The following TOP3B variants were observed in gnomAD, a reference collection of about 807,000 sequenced individuals.
The protein encoded by TOP3B is DNA topoisomerase III beta.
Under a neutral mutation model 93.9 loss-of-function variants are expected in TOP3B, and 45 were observed. The ratio of observed to expected loss-of-function variants is 0.48; its 90% CI spans 0.38 to 0.61. TOP3B has a LOEUF of 0.61. Ranked by LOEUF, TOP3B falls within the 20% of genes least tolerant of loss-of-function variation. TOP3B has a pLI of 0.00. For synonymous variants in TOP3B, 357 were observed against 472.6 expected, an observed-to-expected ratio of 0.76 and a Z score of 3.17; for missense variants, 750 against 1,156.1, an observed-to-expected ratio of 0.65 and a Z score of 5.09.
chr22:21,970,982 G>C lies in TOP3B; in HGVS notation c.385-576C>G. The C allele has an allele frequency of 1.6e-6, 2 of 1,264,940 alleles. No homozygotes were observed. Among genetic ancestry groups the C allele is most frequent in the Middle Eastern group, 2.3e-4 (1 of 4,308 alleles). The allele number at this position is 1,264,940 out of a possible 1,614,324, so 78.4% of individuals were successfully genotyped here. ...GGGGTCCTGGAGCCGAGACTCACTA[G>C]GAAGGCCGTGCAGTGGGACTAGGGT... On this transcript the variant is annotated intron_variant, in intron 5 of 17. Coordinates refer to ENST00000357179, the MANE Select transcript of TOP3B (RefSeq NM_001282112.2). The surrounding 1 kb of genome is among the most constrained non-coding windows in gnomAD (Gnocchi z 4.4).
At chr22:21,975,595 T>TA (rs2071833415) in intron 2 of TOP3B, 45 bp downstream of exon 2, 1 of 1,537,582 alleles carries the variant, frequency 6.5e-7, no homozygotes, top group Admixed American at 1.8e-5. Flanking sequence ...CTGTAACACA[T>TA]AAACGACCGT....
rs149995926 is a variant in TOP3B, at chr22:21,957,326, C to T, written c.2377G>A (p.Asp793Asn). ...FNKAKSPLPG[D>N]ETQHMGCVFC... ...ACGCAGCCCATGTGCTGCGTCTCAT[C>T]GCCCGGGAGTGGGGACTTGGCCTTG... The change falls in exon 18 of 18, where the codon GAT becomes AAT. Residue 793 changes from aspartate (D) to asparagine (N), a missense_variant. This residue lies in a region of TOP3B where 13 missense variants were observed against 58.8 expected (regional missense o/e 0.22). Coordinates refer to ENST00000357179, the MANE Select transcript of TOP3B (RefSeq NM_001282112.2). 4.5e-5 allele frequency: 73 copies of T among 1,611,690 alleles called. No individual in the cohort carries two copies. The highest frequency in any genetic ancestry group is 5.5e-5 in the Non-Finnish European group (65 of 1,179,536).
At chr22:21,960,291 G>C (rs1310438824) in intron 14 of TOP3B, 30 bp downstream of exon 14, 1 of 1,612,498 alleles carries the variant, frequency 6.2e-7, no homozygotes. Flanking sequence ...GAGCCTCGGT[G>C]GGCCCTGGGG....
chr22:21,969,993 C>A, intron 6 of TOP3B: 5 of 415,606 alleles, frequency 1.2e-5, no homozygotes, highest in Admixed American at 3.6e-5. Context: ...TGGTCTCAAA[C>A]TGCCAACCTC....
chr22:21,957,842 G>C, intron 17 of TOP3B: 1 of 1,531,324 alleles, frequency 6.5e-7, no homozygotes, highest in South Asian at 1.2e-5. Flanking sequence ...GGTTTCAGCT[G>C]ACTCCATCCC....
Position 21,970,568 on chromosome 22 carries a change from G to T in TOP3B, c.385-162C>A. The T allele has an allele frequency of 1.4e-6, 1 of 707,234 alleles. No homozygotes were observed. Among genetic ancestry groups the T allele is most frequent in the South Asian group, 1.8e-5 (1 of 55,652 alleles). The allele number at this position is 707,234 out of a possible 1,614,324, so 43.8% of individuals were successfully genotyped here. ...TCTATCCCCTTTCCTGCACCTGCCA[G>T]ACCCTCCTCTATCCCCCTGCCTTTC... On this transcript the variant is annotated intron_variant, in intron 5 of 17. Transcript: ENST00000357179. This position sits in a 1 kb window ranked among gnomAD's most constrained non-coding sequence, Gnocchi z 4.4.
chr22:21,970,246 T>C lies in TOP3B; in HGVS notation c.545A>G (p.Gln182Arg). The C allele has an allele frequency of 6.2e-7, 1 of 1,613,526 alleles. No individual in the cohort carries two copies. The highest frequency in any genetic ancestry group is 8.5e-7 in the Non-Finnish European group (1 of 1,180,016). The part of the protein sequence containing the change: ...HNEALSVDAR[Q>R]ELDLRIGCAF... The stretch of plus-strand genomic sequence containing the variant: ...ACAGCCGATTCGCAGGTCCAGCTCC[T>C]GGCGAGCATCCACTGAGAGCGCCTC... Residue 182 changes from glutamine to arginine, a missense_variant, in exon 6 of 18, where the codon CAG (glutamine) becomes CGG (arginine). This residue lies in a region of TOP3B where 737 missense variants were observed against 933.7 expected (regional missense o/e 0.79). Coordinates refer to ENST00000357179, the MANE Select transcript of TOP3B (RefSeq NM_001282112.2). The surrounding 1 kb of genome is among the most constrained non-coding windows in gnomAD (Gnocchi z 4.4).
At chr22:21,966,555 A>G (rs1442579079) in intron 8 of TOP3B, 1 of 152,224 alleles carries the variant, frequency 6.6e-6, no homozygotes, top group Non-Finnish European at 1.5e-5. Context: ...GCTGGTAACT[A>G]TTCTGGAATT....
chr22:21,960,975 G>A (rs2071151737), intron 13 of TOP3B: 1 of 157,762 alleles, frequency 6.3e-6, no homozygotes, highest in Non-Finnish European at 1.4e-5. Context: ...CAGTCCCCAG[G>A]ATTCCACTCT....
At chr22:21,968,862 G>T in intron 6 of TOP3B, 87 bp from the exon 7 acceptor site, 1 of 1,479,572 alleles carries the variant, frequency 6.8e-7, no homozygotes, top group Non-Finnish European at 9.3e-7. Flanking sequence ...AAGGCCAGGG[G>T]TGGTGCATGA....
Position 21,974,378 on chromosome 22 carries a change from C to A in TOP3B, c.181G>T (p.Val61Leu). 1 of 1,614,070 alleles carries A rather than the reference C, an allele frequency of 6.2e-7. No homozygotes were observed. Among genetic ancestry groups the A allele is most frequent in the Non-Finnish European group, 8.5e-7 (1 of 1,179,978 alleles). Reference sequence around the variant, plus strand: ...TTACCCAGGAAATCCAGGGTCATCACGTGACCACAGACAGACGTCATCTTG... The same window carrying A: ...TTACCCAGGAAATCCAGGGTCATCAAGTGACCACAGACAGACGTCATCTTG... ...RFKMTSVCGH[V>L]MTLDFLGKYN... The change falls in exon 3 of 18, where the codon GTG becomes TTG. Residue 61 changes from valine (V) to leucine (L), a missense_variant. Val to Leu is a conservative substitution (Grantham distance 32). This residue lies in a region of TOP3B where 737 missense variants were observed against 933.7 expected (regional missense o/e 0.79). Coordinates refer to ENST00000357179, the MANE Select transcript of TOP3B (RefSeq NM_001282112.2).
rs768068892 is a variant in TOP3B at position 21,968,709 on chromosome 22, C to T, written c.648G>A (p.Pro216=). Reference sequence around the variant, plus strand: ...AGAATCCCAGGGTTGGAGTCTGACACGGCCCAAAGGAGATGAGAGAGCTGT... The same window carrying T: ...AGAATCCCAGGGTTGGAGTCTGACATGGCCCAAAGGAGATGAGAGAGCTGT... ...DLDSSLISFG[P]CQTPTLGFCV... The change falls in exon 7 of 18, where the codon CCG becomes CCA. Residue 216 remains proline, a synonymous_variant. Transcript: ENST00000357179. 11 of 1,614,064 alleles carry T rather than the reference C, an allele frequency of 6.8e-6. No homozygotes were observed. Among genetic ancestry groups the T allele is most frequent in the South Asian group, 2.2e-5 (2 of 91,086 alleles).
chr22:21,958,418 C>A, intron 17 of TOP3B, 74 bp downstream of exon 17: 1 of 1,606,452 alleles, frequency 6.2e-7, no homozygotes, highest in Non-Finnish European at 8.5e-7. Context: ...AGAGTCCAGC[C>A]TGGTGCAAGG....
chr22:21,967,537 C>A, intron 8 of TOP3B, 66 bp downstream of exon 8: 1 of 1,215,464 alleles, frequency 8.2e-7, no homozygotes, highest in Non-Finnish European at 1.2e-6. Flanking sequence ...GTTCCTCCAG[C>A]GGGAGGCATC....
At chr22:21,967,391 G>A in intron 8 of TOP3B, 3 of 559,866 alleles carry the variant, frequency 5.4e-6, no homozygotes, top group African/African-American at 1.9e-5. Context: ...GGTATGGAGC[G>A]GGCATGCAGT....
chr22:21,958,462 CTGTGGACAGGA>C lies in TOP3B; in HGVS notation c.2107+19_2107+29del, dbSNP rs766390029. The C allele has an allele frequency of 5.6e-6, 9 of 1,613,582 alleles. No homozygotes were observed. Among genetic ancestry groups the C allele is most frequent in the East Asian group, 4.5e-5 (2 of 44,892 alleles). ...GGCACTGAAAAGAGACTGCAGCTACCTGTGGACAGGAGGGAGTGGCTGCACTCACCTTTCTT... is the reference window on the plus strand; with the variant it reads ...GGCACTGAAAAGAGACTGCAGCTACCGGGAGTGGCTGCACTCACCTTTCTT... On this transcript the variant is annotated intron_variant, in intron 17 of 17. Coordinates refer to ENST00000357179, the MANE Select transcript of TOP3B (RefSeq NM_001282112.2).
intron 9 of TOP3B, chr22:21,964,538 C>T (rs1269260301): frequency 1.7e-6 from 1 of 588,680 alleles, no homozygotes. Flanking sequence ...CTGAATCCTA[C>T]ACCCAGGATG....
intron 7 of TOP3B, 146 bp downstream of exon 7, chr22:21,968,473 C>G: frequency 1.0e-6 from 1 of 993,920 alleles, no homozygotes; most frequent in Non-Finnish European, 1.5e-6. Flanking sequence ...GTCCCTCAGC[C>G]CTAGGCACCA....
chr22:21,967,542 G>A (rs1447379298), intron 8 of TOP3B, 61 bp downstream of exon 8: 1 of 1,292,004 alleles, frequency 7.7e-7, no homozygotes, highest in Admixed American at 1.7e-5. Flanking sequence ...TCCAGCGGGA[G>A]GCATCCAAGG....
Sources: gnomAD v4.1 joint callset for allele counts on GRCh38, gnomAD v4.1.1 for gene constraint, gnomAD v4.1.1 regional missense constraint, Gnocchi (gnomAD v3.1) non-coding constraint, MANE v1.5 for transcripts, NCBI Gene and HGNC (gene_info 2026-07-23, HGNC 2026-07-21) for gene names.